The following TNR variants were observed in gnomAD, a reference collection of about 807,000 sequenced individuals.
TNR encodes the protein tenascin R.
A neutral mutation model predicts 150.4 loss-of-function variants in TNR; 45 were observed. That is an observed-to-expected ratio of 0.30 (90% confidence interval 0.24 to 0.38). TNR has a LOEUF of 0.38. TNR is among the 10% of genes least tolerant of loss of function. The pLI is 1.00. For synonymous variants in TNR, 687 were observed against 678.4 expected (o/e 1.01, Z -0.20); for missense variants, 1,544 against 1,759.1 (o/e 0.88, Z 2.19).
intron 1 of TNR, among the ~76,000 whole-genome samples, chr1:175,679,867 G>A (rs1265819030): frequency 1.3e-5 from 2 of 152,204 alleles, no homozygotes; most frequent in Non-Finnish European, 2.9e-5. Context: ...TCATCTGCCT[G>A]AATGATAGCA....
chr1:175,693,143 GAA>G (rs1478253002), intron 1 of TNR, among the ~76,000 whole-genome samples: 1 of 152,108 alleles, frequency 6.6e-6, no homozygotes, highest in African/African-American at 2.4e-5. Context: ...ACAGTCTTTG[GAA>G]AAAAGAGACT....
At chr1:175,388,477 G>A (rs994903703) in intron 7 of TNR, among the ~76,000 whole-genome samples, 2 of 152,250 alleles carry the variant, frequency 1.3e-5, no homozygotes, top group African/African-American at 4.8e-5. Flanking sequence ...AGGACACAGA[G>A]CTTCGCAGTA....
chr1:175,663,192 C>A (rs1289223559), intron 1 of TNR, among the ~76,000 whole-genome samples: 1 of 152,154 alleles, frequency 6.6e-6, no homozygotes, highest in Non-Finnish European at 1.5e-5. Flanking sequence ...GCCACGCTGG[C>A]GGGGGATCCA....
Position 175,663,633 on chromosome 1 carries a change from C to A in TNR, c.-165+79593G>T, listed in dbSNP as rs548507833. ...TAAATGGATGATTATGATATAGTGACTAAAAGGAGGGAGGGGGAAGTCCTA... is the reference window on the plus strand; with the variant it reads ...TAAATGGATGATTATGATATAGTGAATAAAAGGAGGGAGGGGGAAGTCCTA... On this transcript the variant is annotated intron_variant, in intron 1 of 22. Coordinates refer to ENST00000367674, the MANE Select transcript of TNR (RefSeq NM_003285.3). Among the ~76,000 whole-genome samples, 45 of 152,024 alleles carry A rather than the reference C, an allele frequency of 3.0e-4. No homozygotes were observed. In the South Asian group the frequency reaches 8.9e-3, roughly 30 times the overall value.
At chr1:175,585,565 G>T (rs1662530871) in intron 1 of TNR, among the ~76,000 whole-genome samples, 1 of 152,172 alleles carries the variant, frequency 6.6e-6, no homozygotes, top group Admixed American at 6.5e-5. Context: ...ATTCAGACTT[G>T]TGTTTTTCAG....
intron 1 of TNR, among the ~76,000 whole-genome samples, chr1:175,678,859 C>G (rs571268831): frequency 4.1e-4 from 63 of 152,326 alleles, no homozygotes; most frequent in African/African-American, 1.4e-3. Flanking sequence ...TAGGAGATAT[C>G]CTTCAGGCAA....
chr1:175,717,142 A>G (rs1403622734), intron 1 of TNR, among the ~76,000 whole-genome samples: 1 of 152,194 alleles, frequency 6.6e-6, no homozygotes, highest in Non-Finnish European at 1.5e-5. Flanking sequence ...TTTATCTTGG[A>G]GCCAGAAGAG....
At chr1:175,621,488 C>T (rs1663975712) in intron 1 of TNR, among the ~76,000 whole-genome samples, 1 of 152,204 alleles carries the variant, frequency 6.6e-6, no homozygotes, top group Non-Finnish European at 1.5e-5. Flanking sequence ...TGGCCATTAT[C>T]CTCACTGCCA....
rs142331300 is a variant in TNR at position 175,400,767 on chromosome 1, C to G, written c.976+2373G>C. 3.8e-3 allele frequency among the ~76,000 whole-genome samples: 583 copies of G among 152,286 alleles called. 1 individual carries two copies. Among genetic ancestry groups the G allele is most frequent in the Middle Eastern group, 0.017 (5 of 294 alleles). On this transcript the variant is annotated intron_variant, in intron 4 of 22. Coordinates refer to ENST00000367674, the MANE Select transcript of TNR (RefSeq NM_003285.3). ...TCAGTCCCATGGGCAATGGGAACAT[C>G]GTGCTGTGGTGTGTGCACCCGGCCA...
chr1:175,506,671 A>G (rs2102154894), intron 2 of TNR, among the ~76,000 whole-genome samples: 1 of 152,348 alleles, frequency 6.6e-6, no homozygotes, highest in South Asian at 2.1e-4. Context: ...TTGATCTTGG[A>G]CTTCAGCCTC....
intron 1 of TNR, among the ~76,000 whole-genome samples, chr1:175,535,479 G>C (rs1349540324): frequency 6.7e-6 from 1 of 148,960 alleles, no homozygotes; most frequent in Non-Finnish European, 1.5e-5. Flanking sequence ...TTGTTGTTTT[G>C]AGACGGAGTC....
rs140321484 is a variant in TNR at position 175,363,613 on chromosome 1, C to T, written c.2707+95G>A. ...AGCATGCCACAGAGAAGAGGAAAAA[C>T]GCAGGCAGGAGTGGATGTTCTGCGG... is the stretch of plus-strand genomic sequence containing the variant. On this transcript the variant is annotated intron_variant, in intron 13 of 22. Coordinates refer to ENST00000367674, the MANE Select transcript of TNR (RefSeq NM_003285.3). The T allele has an allele frequency of 1.6e-4, 233 of 1,483,320 alleles. No individual in the cohort carries two copies. In the African/African-American group the frequency reaches 1.6e-3, roughly 10 times the overall value. 91.9% of individuals were successfully genotyped at this position (1,483,320 alleles called of 1,614,324 possible). A position where few individuals can be genotyped will look rare whatever the true frequency, so the allele number is the denominator to read the frequency against.
At chr1:175,395,748 A>G (rs1293318680) in intron 5 of TNR, among the ~76,000 whole-genome samples, 1 of 152,246 alleles carries the variant, frequency 6.6e-6, no homozygotes. Context: ...AAAGAAAAAT[A>G]TAATAATTAT....
chr1:175,660,413 CAGAA>C (rs1379677413), intron 1 of TNR, among the ~76,000 whole-genome samples: 1 of 152,214 alleles, frequency 6.6e-6, no homozygotes, highest in African/African-American at 2.4e-5. Context: ...ATCCAACCAG[CAGAA>C]AGAATTTTCC....
intron 20 of TNR, among the ~76,000 whole-genome samples, chr1:175,334,973 G>A (rs1224936629): frequency 2.0e-5 from 3 of 152,176 alleles, no homozygotes; most frequent in African/African-American, 7.2e-5. Flanking sequence ...TGTTATCTAG[G>A]CACCCAGGAG....
At chr1:175,662,620 A>G (rs1665412718) in intron 1 of TNR, among the ~76,000 whole-genome samples, 1 of 152,208 alleles carries the variant, frequency 6.6e-6, no homozygotes, top group Non-Finnish European at 1.5e-5. Flanking sequence ...GGCAGGGATG[A>G]GCATCTTCTT....
At chr1:175,695,635 C>T (rs1200407468) in intron 1 of TNR, among the ~76,000 whole-genome samples, 3 of 152,186 alleles carry the variant, frequency 2.0e-5, no homozygotes, top group Non-Finnish European at 2.9e-5. Context: ...ACCCCTCTTT[C>T]TAGAATGTAC....
intron 1 of TNR, among the ~76,000 whole-genome samples, chr1:175,711,834 A>G (rs1279661214): frequency 1.3e-5 from 2 of 152,152 alleles, no homozygotes; most frequent in Non-Finnish European, 2.9e-5. Flanking sequence ...CTGAGTTGGG[A>G]AATTGTCATT....
intron 2 of TNR, among the ~76,000 whole-genome samples, chr1:175,471,762 T>G (rs979005320): frequency 1.3e-5 from 2 of 152,196 alleles, no homozygotes; most frequent in South Asian, 4.1e-4. Context: ...ATTAAATTTT[T>G]TTTCTTCAAT....
Sources: allele counts gnomAD v4.1 joint callset (sites outside exome capture counted in the v4.1 genomes callset), GRCh38; gene constraint gnomAD v4.1.1; transcripts MANE v1.5; gene names NCBI Gene and HGNC (gene_info 2026-07-23, HGNC 2026-07-21).